The following CCNY variants were observed in gnomAD, a reference collection of about 807,000 sequenced individuals.
CCNY encodes cyclin Y.
In CCNY, 19 loss-of-function variants were observed where a neutral mutation model predicts 42.8. That is an observed-to-expected ratio of 0.44 (90% confidence interval 0.31 to 0.65). CCNY has a LOEUF of 0.65. Among genes scored for constraint, CCNY ranks in the 30% least tolerant of loss-of-function variants. The probability of loss-of-function intolerance (pLI) is 0.07; values close to 1 mark genes in which losing one functional copy is unlikely to be tolerated. For synonymous variants in CCNY, 165 were observed against 162.7 expected (o/e 1.01, Z -0.11); for missense variants, 370 against 437.3 (o/e 0.85, Z 1.37).
At chr10:35,485,937 C>G (rs1220232056) in intron 2 of CCNY, among the ~76,000 whole-genome samples, 1 of 152,008 alleles carries the variant, frequency 6.6e-6, no homozygotes, top group Non-Finnish European at 1.5e-5. Context: ...TCTTGTTTAC[C>G]CTCTTATCTT....
intron 8 of CCNY, among the ~76,000 whole-genome samples, chr10:35,563,491 C>T (rs898375032): frequency 5.3e-5 from 8 of 152,250 alleles, no homozygotes; most frequent in African/African-American, 7.2e-5. Flanking sequence ...CACCAGACGG[C>T]GGTGTGTCCA....
intron 1 of CCNY, among the ~76,000 whole-genome samples, chr10:35,371,273 C>CAATG (rs1836930765): frequency 6.6e-6 from 1 of 152,174 alleles, no homozygotes; most frequent in African/African-American, 2.4e-5. Flanking sequence ...TCAGCTGATA[C>CAATG]TTCTTTGTTA....
chr10:35,368,479 T>C (rs974769677), intron 1 of CCNY, among the ~76,000 whole-genome samples: 1 of 152,254 alleles, frequency 6.6e-6, no homozygotes, highest in African/African-American at 2.4e-5. Flanking sequence ...CATGTTATTA[T>C]TCTCATGTAT....
rs144162968 is a variant in CCNY at position 35,278,749 on chromosome 10, C to T, written c.-9+28123C>T. ...CTACTGGGAGGGGAATACCCTTGGG[C>T]AAGGCAGTTCTCTGTGGTTGAGGGC... is the stretch of plus-strand genomic sequence containing the variant. On this transcript the variant is annotated intron_variant, in intron 3 of 11. Coordinates refer to the CCNY transcript ENST00000374706. 1.1e-3 allele frequency among the ~76,000 whole-genome samples: 171 copies of T among 152,230 alleles called. 1 individual carries two copies. The highest frequency in any genetic ancestry group is 3.4e-3 in the African/African-American group (141 of 41,552).
intron 1 of CCNY, among the ~76,000 whole-genome samples, chr10:35,423,628 C>T (rs931109670): frequency 6.6e-6 from 1 of 151,694 alleles, no homozygotes; most frequent in Non-Finnish European, 1.5e-5. Flanking sequence ...TGAATGGTGG[C>T]GGATGTCTCA....
intron 1 of CCNY, among the ~76,000 whole-genome samples, chr10:35,376,293 G>A (rs549488138): frequency 2.1e-4 from 32 of 152,292 alleles, no homozygotes; most frequent in African/African-American, 7.2e-4. Context: ...ACCGTATGAC[G>A]CAGCAGTGCC....
intron 2 of CCNY, among the ~76,000 whole-genome samples, chr10:35,492,997 G>GTA (rs1051946093): frequency 6.6e-6 from 1 of 151,060 alleles, no homozygotes; most frequent in African/African-American, 2.5e-5. Context: ...GGTGCATGGG[G>GTA]GGGGGAGGGC....
intron 3 of CCNY, among the ~76,000 whole-genome samples, chr10:35,292,871 C>T (rs1215468991): frequency 1.3e-5 from 2 of 150,476 alleles, no homozygotes; most frequent in African/African-American, 4.9e-5. Context: ...CTGCAGTCTC[C>T]TGGGTTCAAG....
chr10:35,466,417 C>T (rs4934753), intron 1 of CCNY, among the ~76,000 whole-genome samples: 2 of 152,036 alleles, frequency 1.3e-5, no homozygotes, highest in Middle Eastern at 3.4e-3. Context: ...TGAAGAGATA[C>T]GGGAAACAAG....
chr10:35,345,615 ATG>A (rs1244188329), intron 1 of CCNY, among the ~76,000 whole-genome samples: 1 of 152,166 alleles, frequency 6.6e-6, no homozygotes, highest in Non-Finnish European at 1.5e-5. Flanking sequence ...CTTGTATTAT[ATG>A]TGAAGTGTGC....
At chr10:35,435,716 A>T (rs956375209) in intron 1 of CCNY, among the ~76,000 whole-genome samples, 4 of 152,190 alleles carry the variant, frequency 2.6e-5, no homozygotes, top group African/African-American at 9.7e-5. Flanking sequence ...TGGTACAATC[A>T]GAAGCTTTTG....
At chr10:35,265,651 G>A (rs1184915068) in intron 3 of CCNY, among the ~76,000 whole-genome samples, 2 of 152,270 alleles carry the variant, frequency 1.3e-5, no homozygotes, top group Admixed American at 6.5e-5. Flanking sequence ...GGCTTTGAAT[G>A]AGGAGCTGAG....
chr10:35,493,198 G>A (rs531187779), intron 2 of CCNY, among the ~76,000 whole-genome samples: 78 of 152,270 alleles, frequency 5.1e-4, no homozygotes, highest in African/African-American at 1.8e-3. Flanking sequence ...AGTTTTCTCC[G>A]TACCTTTTAT....
chr10:35,443,591 G>T (rs766082076), intron 1 of CCNY, among the ~76,000 whole-genome samples: 1 of 152,128 alleles, frequency 6.6e-6, no homozygotes, highest in South Asian at 2.1e-4. Context: ...GACTTTCCTC[G>T]CAGTCTAATT....
intron 3 of CCNY, among the ~76,000 whole-genome samples, chr10:35,287,185 C>T (rs1425723533): frequency 1.3e-5 from 2 of 152,138 alleles, no homozygotes; most frequent in Non-Finnish European, 2.9e-5. Flanking sequence ...ATGTGTTCTA[C>T]TATAGTTTGT....
At chr10:35,531,181 A>G (rs553946610) in intron 7 of CCNY, among the ~76,000 whole-genome samples, 4 of 152,364 alleles carry the variant, frequency 2.6e-5, no homozygotes, top group South Asian at 4.1e-4. Context: ...GACCTTTTAC[A>G]TTGTGTATAA....
At chr10:35,541,613 C>T (rs764792650) in intron 7 of CCNY, among the ~76,000 whole-genome samples, 14 of 152,140 alleles carry the variant, frequency 9.2e-5, no homozygotes, top group African/African-American at 1.9e-4. Context: ...TTGCCCAGGC[C>T]GGCTTTGAAC....
At chr10:35,489,163 C>T (rs1170516665) in intron 2 of CCNY, among the ~76,000 whole-genome samples, 1 of 152,056 alleles carries the variant, frequency 6.6e-6, no homozygotes, top group African/African-American at 2.4e-5. Context: ...TGTAGTCTTA[C>T]ATTTTACCGG....
At chr10:35,519,059 A>G (rs1840489230) in intron 4 of CCNY, among the ~76,000 whole-genome samples, 2 of 143,588 alleles carry the variant, frequency 1.4e-5, no homozygotes, top group African/African-American at 2.6e-5. Context: ...GTATATTGTG[A>G]GTATCTGGAT....
Sources: allele counts gnomAD v4.1 joint callset (sites outside exome capture counted in the v4.1 genomes callset), GRCh38; gene constraint gnomAD v4.1.1; transcripts MANE v1.5; gene names NCBI Gene and HGNC (gene_info 2026-07-23, HGNC 2026-07-21).